The following BID variants were observed in gnomAD, a reference collection of about 807,000 sequenced individuals.
BID encodes the protein BH3-interacting domain death agonist.
In BID, 19 loss-of-function variants were observed where a neutral mutation model predicts 17.4. The ratio of observed to expected loss-of-function variants is 1.09; its 90% CI spans 0.76 to 1.60. BID has a LOEUF of 1.60. Ranked by LOEUF, BID falls within the 40% of genes most tolerant of loss-of-function variation. The pLI, the probability that BID is intolerant of heterozygous loss-of-function variation, is 0.00. For synonymous variants in BID, 108 were observed against 102.8 expected (o/e 1.05, Z -0.31); for missense variants, 226 against 256.0 (o/e 0.88, Z 0.80).
intron 2 of BID, among the ~76,000 whole-genome samples, chr22:17,748,232 G>T (rs1296686): frequency 7.7e-6 from 1 of 129,360 alleles, no homozygotes. Flanking sequence ...TAATAAGGCC[G>T]GGCACGGTGG....
intron 1 of BID, among the ~76,000 whole-genome samples, chr22:17,771,812 C>G (rs1396266357): frequency 2.6e-5 from 4 of 152,176 alleles, no homozygotes; most frequent in Non-Finnish European, 4.4e-5. Flanking sequence ...TTGGGGAAAA[C>G]CCCACTGCGA....
At chr22:17,774,614 G>C (rs1258976049), upstream of BID, 1 of 151,240 alleles carries the variant, frequency 6.6e-6, no homozygotes, top group African/African-American at 2.4e-5. Context: ...CGGCAGCGCA[G>C]TGAGAACCAG....
chr22:17,743,839 G>A lies in BID; in HGVS notation c.187C>T (p.Arg63Cys), dbSNP rs762595889. ...GYDELQTDGN[R>C]SSHSRLGRIE... The stretch of plus-strand genomic sequence containing the variant: ...CTTCCCAAGCGGGAGTGGCTGCTGC[G>A]GTTGCCATCAGTCTGCAGCTCATCG... The change falls in exon 3 of 6, where the codon CGC becomes TGC. Residue 63 changes from arginine (R) to cysteine (C), a missense_variant. By Grantham distance (180) the Arg-to-Cys change is radical. Coordinates refer to ENST00000622694, the MANE Select transcript of BID (RefSeq NM_001196.4). 2.5e-5 allele frequency: 41 copies of A among 1,612,242 alleles called. No homozygotes were observed. Among genetic ancestry groups the A allele is most frequent in the African/African-American group, 6.7e-5 (5 of 74,918 alleles).
intron 1 of BID, among the ~76,000 whole-genome samples, chr22:17,770,101 A>C (rs2061708382): frequency 2.0e-5 from 3 of 149,766 alleles, no homozygotes; most frequent in East Asian, 2.0e-4. Flanking sequence ...CTGGGTTGCC[A>C]CTCCTGTCCT....
chr22:17,771,699 T>C (rs1335980956), intron 1 of BID, among the ~76,000 whole-genome samples: 1 of 152,036 alleles, frequency 6.6e-6, no homozygotes, highest in African/African-American at 2.4e-5. Context: ...ACTTCCCCAT[T>C]TTGGACCAAC....
At chr22:17,762,847 G>A (rs2061650186) in intron 1 of BID, among the ~76,000 whole-genome samples, 1 of 140,628 alleles carries the variant, frequency 7.1e-6, no homozygotes, top group Non-Finnish European at 1.5e-5. Context: ...TTTGAGAAGT[G>A]CTGCTTTGAG....
intron 3 of BID, chr22:17,740,272 G>C (rs1429026204): frequency 9.0e-6 from 10 of 1,108,196 alleles, no homozygotes; most frequent in Non-Finnish European, 1.3e-5. Context: ...CTCAGTAGGT[G>C]CTCAATAAAC....
chr22:17,769,176 C>G lies in BID; in HGVS notation c.-59+5205G>C, dbSNP rs968269164. Among the ~76,000 whole-genome samples the G allele has an allele frequency of 6.6e-6, 1 of 152,244 alleles. No homozygotes were observed. On this transcript the variant is annotated intron_variant, in intron 1 of 5. Coordinates refer to ENST00000622694, the MANE Select transcript of BID (RefSeq NM_001196.4). This position sits in a 1 kb window ranked among gnomAD's most constrained non-coding sequence, Gnocchi z 4.8. ...CACAGCAGGGCCTGTGCCGTGCCAACGCCATGCCCCTGCCTGGCAGAAATG... is the reference window on the plus strand; with the variant it reads ...CACAGCAGGGCCTGTGCCGTGCCAAGGCCATGCCCCTGCCTGGCAGAAATG...
intron 5 of BID, 88 bp from the exon 6 acceptor site, chr22:17,735,679 T>C: frequency 6.5e-7 from 1 of 1,534,300 alleles, no homozygotes. Context: ...AGAGCAAAGC[T>C]GGGGTTTATG....
Position 17,735,333 on chromosome 22 carries a change from ATGTG to A in BID, c.*243_*246del. On this transcript the variant is annotated 3_prime_UTR_variant, in exon 6 of 6. Coordinates refer to ENST00000622694, the MANE Select transcript of BID (RefSeq NM_001196.4). ...TGTAGATTTACAGATGTGCAGATTC[ATGTG>A]TGGATGATATGAAGGCCATTCAAAT... The A allele has an allele frequency of 1.9e-6, 1 of 519,886 alleles. No individual in the cohort carries two copies. The highest frequency in any genetic ancestry group is 3.4e-6 in the Non-Finnish European group (1 of 293,176). The allele number at this position is 519,886 out of a possible 1,614,324, so 32.2% of individuals were successfully genotyped here.
chr22:17,734,858 A>G lies in BID; in HGVS notation c.*722T>C, dbSNP rs2061408713. On this transcript the variant is annotated 3_prime_UTR_variant, in exon 6 of 6. Coordinates refer to ENST00000622694, the MANE Select transcript of BID (RefSeq NM_001196.4). ...GTTAGTTACCTGATTTTGTAAACAA[A>G]CAGTGGCTGACCTGGGCCCTTAAAT... 6.6e-6 allele frequency: 1 copy of G among 152,248 alleles called. No individual in the cohort carries two copies. Among genetic ancestry groups the G allele is most frequent in the Non-Finnish European group, 1.5e-5 (1 of 68,048 alleles). 9.4% of individuals were successfully genotyped at this position (152,248 alleles called of 1,614,324 possible). A position where few individuals can be genotyped will look rare whatever the true frequency, so the allele number is the denominator to read the frequency against.
intron 1 of BID, among the ~76,000 whole-genome samples, chr22:17,757,898 C>T (rs1026932810): frequency 7.9e-5 from 12 of 152,160 alleles, no homozygotes; most frequent in African/African-American, 2.4e-4. Flanking sequence ...CGATCCGTTA[C>T]GTGCACCTAT....
At chr22:17,772,655 A>G (rs1194826668) in intron 1 of BID, among the ~76,000 whole-genome samples, 4 of 140,878 alleles carry the variant, frequency 2.8e-5, no homozygotes, top group African/African-American at 8.2e-5. Context: ...ACCCTCATCC[A>G]TCCTTGTCAG....
In BID at chr22:17,742,284, C is replaced by T. The variant is rs952303091; in HGVS notation, c.223+1519G>A. 7.0e-4 allele frequency among the ~76,000 whole-genome samples: 106 copies of T among 152,266 alleles called. 1 individual carries two copies. Among genetic ancestry groups the T allele is most frequent in the African/African-American group, 2.5e-3 (105 of 41,568 alleles). ...AGGCAAAGGCCGGCATGGAGAAGAGCGAGAGAAAAACACCAGGGCAGACTG... is the reference window on the plus strand; with the variant it reads ...AGGCAAAGGCCGGCATGGAGAAGAGTGAGAGAAAAACACCAGGGCAGACTG... On this transcript the variant is annotated intron_variant, in intron 3 of 5. Coordinates refer to ENST00000622694, the MANE Select transcript of BID (RefSeq NM_001196.4).
At chr22:17,760,790 C>T (rs1256599630) in intron 1 of BID, among the ~76,000 whole-genome samples, 1 of 152,160 alleles carries the variant, frequency 6.6e-6, no homozygotes, top group Non-Finnish European at 1.5e-5. Context: ...AATCCTTTCC[C>T]ACATGGGGAA....
rs1036458651 is a variant in BID at position 17,735,513 on chromosome 22, A to G, written c.*67T>C. 9 of 1,601,826 alleles carry G rather than the reference A, an allele frequency of 5.6e-6. No individual in the cohort carries two copies. The Admixed American group carries it at 1.5e-4, about 27-fold the overall frequency. On this transcript the variant is annotated 3_prime_UTR_variant, in exon 6 of 6. Transcript: ENST00000622694. ...GTTGACATGCCAGGGCTCCGTCTAC[A>G]CTGGAAGCAGCTATACAGCTGTGAC...
chr22:17,773,121 TC>T lies in BID; in HGVS notation c.-59+1259del, dbSNP rs1482277628. On this transcript the variant is annotated intron_variant, in intron 1 of 5. Coordinates refer to ENST00000622694, the MANE Select transcript of BID (RefSeq NM_001196.4). This position sits in a 1 kb window ranked among gnomAD's most constrained non-coding sequence, Gnocchi z 4.4. ...AGCCACGAACTGCTGACCCCGCATT[TC>T]CTCTTCCCTCCCTGGGCAAGAGGGG... is the stretch of plus-strand genomic sequence containing the variant. Among the ~76,000 whole-genome samples, 3 of 151,972 alleles carry T rather than the reference TC, an allele frequency of 2.0e-5. No individual in the cohort carries two copies. The highest frequency in any genetic ancestry group is 4.4e-5 in the Non-Finnish European group (3 of 67,976).
chr22:17,755,832 G>T (rs1451093071), intron 1 of BID, among the ~76,000 whole-genome samples: 4 of 151,722 alleles, frequency 2.6e-5, no homozygotes, highest in Non-Finnish European at 4.4e-5. Flanking sequence ...AAAAATAAAG[G>T]GTTTGGAGAA....
intron 1 of BID, among the ~76,000 whole-genome samples, chr22:17,760,343 T>C (rs111452050): frequency 0.014 from 2,099 of 146,154 alleles, 40 homozygotes; most frequent in African/African-American, 0.051. Context: ...TCCCAGCTAC[T>C]CGAGAGGCTG....
Sources: allele counts gnomAD v4.1 joint callset (sites outside exome capture counted in the v4.1 genomes callset), GRCh38; gene constraint gnomAD v4.1.1; non-coding constraint Gnocchi (gnomAD v3.1); transcripts MANE v1.5; gene names NCBI Gene and HGNC (gene_info 2026-07-23, HGNC 2026-07-21).